ANXA4: variants seen among roughly 807,000 people sequenced by gnomAD.
ANXA4 encodes the protein annexin A4, also known as 35-beta calcimedin.
A neutral mutation model predicts 49.8 loss-of-function variants in ANXA4; 39 were observed. The observed-to-expected ratio is 0.78, with a 90% CI of 0.61 to 1.02. ANXA4 has a LOEUF of 1.02. Among genes scored for constraint, ANXA4 ranks in the 50% least tolerant of loss-of-function variants. The pLI, the probability that ANXA4 is intolerant of heterozygous loss-of-function variation, is 0.00. For synonymous variants in ANXA4, 134 were observed against 152.5 expected (o/e 0.88, Z 0.89); for missense variants, 360 against 410.1 (o/e 0.88, Z 1.05).
intron 1 of ANXA4, among the ~76,000 whole-genome samples, chr2:69,755,997 G>A (rs1671025982): frequency 6.6e-6 from 1 of 152,166 alleles, no homozygotes. Context: ...GTGTAATGGG[G>A]TGCTACTGAC....
chr2:69,656,189 G>A (rs961515138), intron 2 of ANXA4, among the ~76,000 whole-genome samples: 1 of 127,948 alleles, frequency 7.8e-6, no homozygotes, highest in Non-Finnish European at 1.6e-5. Context: ...ATATATATAC[G>A]TATATATATA....
intron 2 of ANXA4, among the ~76,000 whole-genome samples, chr2:69,658,982 C>T (rs1275630517): frequency 6.6e-6 from 1 of 152,358 alleles, no homozygotes; most frequent in East Asian, 1.9e-4. Flanking sequence ...AGGCGTGAGC[C>T]ACTATGCCTG....
chr2:69,702,971 C>T (rs1187735023), intron 2 of ANXA4, among the ~76,000 whole-genome samples: 2 of 152,174 alleles, frequency 1.3e-5, no homozygotes, highest in African/African-American at 4.8e-5. Flanking sequence ...TTTCTTCTAG[C>T]ATTTATTTTA....
chr2:69,757,262 ATATATTTTTTTTT>A (rs1411212288), intron 1 of ANXA4, among the ~76,000 whole-genome samples: 89 of 50,250 alleles, frequency 1.8e-3, no homozygotes, highest in African/African-American at 8.8e-3. Flanking sequence ...ATATATATAT[ATATATTTTTTTTT>A]TTTTTTTTTT....
At position 69,682,011 on chromosome 2, in the gene ANXA4, T is replaced by G. The variant is rs1018507506; in HGVS notation, n.766+28729T>G. On this transcript the variant is annotated intron_variant and non_coding_transcript_variant, in intron 2 of 3. Transcript: ENST00000418066. The stretch of plus-strand genomic sequence containing the variant: ...ACCACTGTGTCTGGCTAAACTTTTT[T>G]AATGTTTTGTAGAGACAGGGTCTCC... Among the ~76,000 whole-genome samples, 3 of 152,156 alleles carry G rather than the reference T, an allele frequency of 2.0e-5. No homozygotes were observed. In the East Asian group the frequency reaches 5.8e-4, roughly 29 times the overall value.
At chr2:69,788,952 A>C (rs1268997044) in intron 3 of ANXA4, among the ~76,000 whole-genome samples, 1 of 152,150 alleles carries the variant, frequency 6.6e-6, no homozygotes, top group Non-Finnish European at 1.5e-5. Flanking sequence ...AGTTGGGACA[A>C]ACTGGATGGG....
intron 1 of ANXA4, among the ~76,000 whole-genome samples, chr2:69,752,112 A>G (rs1270204871): frequency 1.3e-5 from 2 of 152,188 alleles, no homozygotes; most frequent in Non-Finnish European, 2.9e-5. Context: ...GCTGGAGAAG[A>G]AGGGCTTATG....
At chr2:69,749,523 A>G (rs1437327473) in intron 1 of ANXA4, among the ~76,000 whole-genome samples, 1 of 152,224 alleles carries the variant, frequency 6.6e-6, no homozygotes, top group Non-Finnish European at 1.5e-5. Context: ...ATGCAGAGTA[A>G]TACTATGTAG....
At chr2:69,771,125 A>G (rs1480874785) in intron 1 of ANXA4, among the ~76,000 whole-genome samples, 3 of 146,598 alleles carry the variant, frequency 2.0e-5, no homozygotes, top group Non-Finnish European at 3.0e-5. Context: ...AAAAAAAAAA[A>G]GAAAGGAAAA....
At chr2:69,661,239 C>G (rs1370060110) in intron 2 of ANXA4, among the ~76,000 whole-genome samples, 2 of 144,406 alleles carry the variant, frequency 1.4e-5, no homozygotes, top group African/African-American at 5.1e-5. Flanking sequence ...AAAAAAAAAG[C>G]TGAGAAAATT....
At chr2:69,691,646 G>T (rs746190423) in intron 2 of ANXA4, among the ~76,000 whole-genome samples, 5 of 151,816 alleles carry the variant, frequency 3.3e-5, no homozygotes, top group Admixed American at 6.6e-5. Context: ...TTAGAAACTA[G>T]CCACAGAACC....
chr2:69,699,392 G>A (rs185029652), intron 2 of ANXA4, among the ~76,000 whole-genome samples: 76 of 152,302 alleles, frequency 5.0e-4, no homozygotes, highest in African/African-American at 1.7e-3. Context: ...TGTAATCCCA[G>A]CACTTTGGAG....
At chr2:69,678,244 A>G (rs759158925) in intron 2 of ANXA4, among the ~76,000 whole-genome samples, 33 of 151,984 alleles carry the variant, frequency 2.2e-4, no homozygotes, top group Non-Finnish European at 4.4e-4. Flanking sequence ...GCCTTTGTCT[A>G]CCTTTCAAAT....
chr2:69,658,185 C>T (rs1475305168), intron 2 of ANXA4, among the ~76,000 whole-genome samples: 2 of 151,954 alleles, frequency 1.3e-5, no homozygotes, highest in East Asian at 3.9e-4. Context: ...ATCACTTGAG[C>T]CTGGGAGTTA....
At chr2:69,656,027 G>A (rs1366716610) in intron 2 of ANXA4, among the ~76,000 whole-genome samples, 1 of 151,772 alleles carries the variant, frequency 6.6e-6, no homozygotes, top group Non-Finnish European at 1.5e-5. Flanking sequence ...GCCTGTCAGT[G>A]GGTAGGGAGC....
intron 2 of ANXA4, among the ~76,000 whole-genome samples, chr2:69,689,096 T>C (rs575193076): frequency 6.6e-6 from 1 of 152,272 alleles, no homozygotes; most frequent in South Asian, 2.1e-4. Context: ...TTCTTTTCTT[T>C]TCCTTTTTTT....
rs947712017 is a variant in ANXA4 at position 69,785,827 on chromosome 2, G to A, written c.10-2227G>A. ...CCTCCTTCCTCAGCCTCTGGACAGT[G>A]CTCGATCCTGGATTTCCTATGAGCT... is the stretch of plus-strand genomic sequence containing the variant. On this transcript the variant is annotated intron_variant, in intron 2 of 12. Coordinates refer to ENST00000394295, the MANE Select transcript of ANXA4 (RefSeq NM_001153.5). Among the ~76,000 whole-genome samples the A allele has an allele frequency of 2.6e-5, 4 of 152,064 alleles. 1 individual carries two copies. Among genetic ancestry groups the A allele is most frequent in the Non-Finnish European group, 5.9e-5 (4 of 68,018 alleles).
chr2:69,757,213 G>C (rs11902722), intron 1 of ANXA4, among the ~76,000 whole-genome samples: 61,639 of 137,540 alleles, frequency 0.45, 15,170 homozygotes, highest in East Asian at 0.79. Context: ...ACAGGTGTGA[G>C]CCACCGTGCC....
chr2:69,768,774 T>A (rs1573222778), intron 1 of ANXA4, among the ~76,000 whole-genome samples: 1 of 152,152 alleles, frequency 6.6e-6, no homozygotes, highest in Non-Finnish European at 1.5e-5. Flanking sequence ...AAATAATTTG[T>A]CTGCAATTAA....
Sources: allele counts gnomAD v4.1 joint callset (sites outside exome capture counted in the v4.1 genomes callset), GRCh38; gene constraint gnomAD v4.1.1; transcripts MANE v1.5; gene names NCBI Gene and HGNC (gene_info 2026-07-23, HGNC 2026-07-21).